UTP20: variants seen among roughly 807,000 people sequenced by gnomAD.
The protein encoded by UTP20 is small subunit processome component 20 homolog.
A neutral mutation model predicts 329.5 loss-of-function variants in UTP20; 164 were observed. The observed-to-expected ratio is 0.50, with a 90% CI of 0.44 to 0.57. The LOEUF is 0.57. Among genes scored for constraint, UTP20 ranks in the 20% least tolerant of loss-of-function variants. The pLI, the probability that UTP20 is intolerant of heterozygous loss-of-function variation, is 0.00. For missense variants in UTP20, 3,055 were observed against 3,284.2 expected (o/e 0.93, Z 1.71); for synonymous variants, 1,151 against 1,159.3 (o/e 0.99, Z 0.14).
chr12:101,327,288 C>T (rs755575378), intron 26 of UTP20, 41 bp downstream of exon 26: 104 of 1,489,980 alleles, frequency 7.0e-5, no homozygotes, highest in Non-Finnish European at 9.1e-5. Flanking sequence ...CTGTTGTCTG[C>T]GGTGGACTTC....
At chr12:101,292,901 G>A (rs1031822640) in intron 10 of UTP20, among the ~76,000 whole-genome samples, 1 of 152,234 alleles carries the variant, frequency 6.6e-6, no homozygotes, top group Non-Finnish European at 1.5e-5. Context: ...GAGCACAGTA[G>A]TACACTTTGA....
intron 32 of UTP20, 106 bp downstream of exon 32, chr12:101,340,716 G>A (rs886070949): frequency 8.7e-5 from 62 of 709,530 alleles, no homozygotes; most frequent in East Asian, 2.7e-4. Flanking sequence ...TGCATTTGTC[G>A]CAAGGAACTT....
In UTP20 at chr12:101,342,831, T is replaced by C. The variant is rs1451487701; in HGVS notation, c.4290T>C (p.Val1430=). The C allele has an allele frequency of 2.5e-6, 4 of 1,613,254 alleles. No individual in the cohort carries two copies. The highest frequency in any genetic ancestry group is 2.5e-6 in the Non-Finnish European group (3 of 1,179,714). Residue 1430 remains valine (V), a synonymous_variant, in exon 34 of 62, where the codon GTT becomes GTC. Coordinates refer to ENST00000261637, the MANE Select transcript of UTP20 (RefSeq NM_014503.3). Reference sequence around the variant, plus strand: ...GTGGGTTAAAATATATTACTGATGTTGTCAAGGTAAGAAAGAAGGGTTTCT... The same window carrying C: ...GTGGGTTAAAATATATTACTGATGTCGTCAAGGTAAGAAAGAAGGGTTTCT... ...FESGLKYITD[V]VKLNAFDQRH...
chr12:101,319,450 T>A, intron 22 of UTP20, 95 bp from the exon 23 acceptor site: 1 of 847,520 alleles, frequency 1.2e-6, no homozygotes, highest in South Asian at 1.8e-5. Context: ...GCGGGGTGTT[T>A]GAAGTTCTAG....
chr12:101,284,744 G>A (rs1254693880), intron 2 of UTP20, among the ~76,000 whole-genome samples: 4 of 152,062 alleles, frequency 2.6e-5, no homozygotes, highest in African/African-American at 7.2e-5. Context: ...GTAAACTTAC[G>A]AAAAGCCCAT....
intron 41 of UTP20, 74 bp downstream of exon 41, chr12:101,355,192 C>A (rs1348383977): frequency 2.0e-6 from 3 of 1,488,236 alleles, no homozygotes; most frequent in Non-Finnish European, 2.7e-6. Context: ...CACTGAGGCT[C>A]TTGGTGATTA....
At chr12:101,380,413 T>A (rs1008002751) in intron 57 of UTP20, among the ~76,000 whole-genome samples, 2 of 151,864 alleles carry the variant, frequency 1.3e-5, no homozygotes, top group African/African-American at 4.8e-5. Flanking sequence ...GAAAAGAAAA[T>A]GTTAGGGACC....
chr12:101,354,327 C>T (rs1202626509), intron 40 of UTP20, among the ~76,000 whole-genome samples: 1 of 149,974 alleles, frequency 6.7e-6, no homozygotes, highest in African/African-American at 2.5e-5. Context: ...ATGAAAACAC[C>T]AGGCACAGAT....
Position 101,353,076 on chromosome 12 carries a change from A to G in UTP20, c.5054A>G (p.His1685Arg). ...CTAGTAATAGTGTTAGAAGCATTCC[A>G]CTTTGACCACAAAACTCTTGAAGAA... ...SLLVIVLEAFHFDHKTLEEQM... is the reference protein window; with the variant it reads ...SLLVIVLEAFRFDHKTLEEQM... Residue 1685 changes from histidine (H) to arginine (R), a missense_variant, in exon 40 of 62, where the codon CAC (histidine) becomes CGC (arginine). By Grantham distance (29) the His-to-Arg change is conservative (BLOSUM62 0). This residue lies in a region of UTP20 where 2,445 missense variants were observed against 2,575.5 expected (regional missense o/e 0.95). Coordinates refer to ENST00000261637, the MANE Select transcript of UTP20 (RefSeq NM_014503.3). 2.5e-6 allele frequency: 4 copies of G among 1,598,516 alleles called. No homozygotes were observed. Among genetic ancestry groups the G allele is most frequent in the Non-Finnish European group, 3.4e-6 (4 of 1,169,828 alleles).
rs1341318540 is a variant in UTP20 at position 101,290,770 on chromosome 12, CT to C, written c.774del (p.Glu259LysfsTer10). The C allele has an allele frequency of 6.2e-7, 1 of 1,613,162 alleles. No homozygotes were observed. The highest frequency in any genetic ancestry group is 1.1e-5 in the South Asian group (1 of 90,754). On this transcript the variant is annotated frameshift_variant, in exon 8 of 62. Coordinates refer to ENST00000261637, the MANE Select transcript of UTP20 (RefSeq NM_014503.3). LOFTEE classifies it high-confidence loss of function. ...ATTTTGCGAAAGCTAGGACCAGTCA[CT>C]GAAACAGAAACTCAACTACCATGGA... ...KLILRKLGPV[T>X]ETETQLPWML...
chr12:101,290,036 GTA>G (rs1335460135), intron 6 of UTP20, 99 bp from the exon 7 acceptor site: 14 of 921,008 alleles, frequency 1.5e-5, no homozygotes, highest in Non-Finnish European at 2.1e-5. Flanking sequence ...TTTTTCCTAA[GTA>G]TATTTAAATA....
Position 101,373,740 on chromosome 12 carries a change from G to A in UTP20, c.7104G>A (p.Met2368Ile), listed in dbSNP as rs1870377988. 3 of 1,611,400 alleles carry A rather than the reference G, an allele frequency of 1.9e-6. No individual in the cohort carries two copies. In the African/African-American group the frequency reaches 4.0e-5, roughly 22 times the overall value. The change falls in exon 54 of 62, where the codon ATG becomes ATA. Residue 2368 changes from methionine to isoleucine, a missense_variant. Met to Ile is a conservative substitution (Grantham distance 10, BLOSUM62 1). Transcript: ENST00000261637. Reference sequence around the variant, plus strand: ...AGAAAAAAGATTGGCTGTTTGATATGGTTACCACTTGGTTTGGAGCAAAAA... The same window carrying A: ...AGAAAAAAGATTGGCTGTTTGATATAGTTACCACTTGGTTTGGAGCAAAAA... ...SLEKKDWLFD[M>I]VTTWFGAKKR...
intron 12 of UTP20, among the ~76,000 whole-genome samples, chr12:101,298,781 G>A (rs11110742): frequency 0.56 from 85,639 of 151,952 alleles, 26,963 homozygotes; most frequent in East Asian, 0.94. Flanking sequence ...AATTAACTTA[G>A]TTATCTATCA....
At chr12:101,371,222 G>T (rs899675951) in intron 51 of UTP20, 54 bp downstream of exon 51, 2 of 1,314,126 alleles carry the variant, frequency 1.5e-6, no homozygotes, top group Non-Finnish European at 2.1e-6. Context: ...CCGCATCTTT[G>T]TGGCAGAGGT....
At chr12:101,374,593 T>C (rs989532689) in intron 54 of UTP20, among the ~76,000 whole-genome samples, 1 of 152,240 alleles carries the variant, frequency 6.6e-6, no homozygotes, top group Non-Finnish European at 1.5e-5. Flanking sequence ...ATAATAATAA[T>C]GCCTCTTTTT....
intron 35 of UTP20, among the ~76,000 whole-genome samples, chr12:101,343,514 TA>T (rs1336636554): frequency 7.2e-5 from 11 of 152,144 alleles, no homozygotes; most frequent in Non-Finnish European, 1.5e-4. Flanking sequence ...CACTGAATTG[TA>T]AATTTTTTTT....
intron 57 of UTP20, 59 bp downstream of exon 57, chr12:101,379,617 C>A: frequency 6.5e-7 from 1 of 1,530,206 alleles, no homozygotes. Context: ...CCTTCTGGTT[C>A]ATGTAACTAT....
At chr12:101,335,711 G>GT (rs1212401398) in intron 29 of UTP20, among the ~76,000 whole-genome samples, 1 of 151,830 alleles carries the variant, frequency 6.6e-6, no homozygotes, top group Non-Finnish European at 1.5e-5. Flanking sequence ...TTTTGATTTT[G>GT]TTTTTTTCAT....
chr12:101,334,494 A>G lies in UTP20; in HGVS notation c.3631A>G (p.Arg1211Gly). 1.2e-6 allele frequency: 2 copies of G among 1,611,110 alleles called. No individual in the cohort carries two copies. The highest frequency in any genetic ancestry group is 1.7e-6 in the Non-Finnish European group (2 of 1,179,738). Residue 1211 changes from arginine (R) to glycine (G), a missense_variant, in exon 29 of 62, where the codon AGA (arginine) becomes GGA (glycine). Arg to Gly is a moderately radical substitution (Grantham distance 125). Coordinates refer to ENST00000261637, the MANE Select transcript of UTP20 (RefSeq NM_014503.3). ...PLLKLISIWS[R>G]NARYFPLLAK... Reference sequence around the variant, plus strand: ...GCTGAAACTGATCAGTATCTGGAGCAGAAACGCAAGGTATAACCTTTCTTT... The same window carrying G: ...GCTGAAACTGATCAGTATCTGGAGCGGAAACGCAAGGTATAACCTTTCTTT...
Sources: gnomAD v4.1 joint callset for allele counts (sites outside exome capture counted in the v4.1 genomes callset) on GRCh38, gnomAD v4.1.1 for gene constraint, gnomAD v4.1.1 regional missense constraint, MANE v1.5 for transcripts, NCBI Gene and HGNC (gene_info 2026-07-23, HGNC 2026-07-21) for gene names.